ADAMTSL1: variants seen among roughly 807,000 people sequenced by gnomAD.
ADAMTSL1 encodes ADAMTS like 1, also known as ADAMTS-like protein 1.
A neutral mutation model predicts 201.8 loss-of-function variants in ADAMTSL1; 126 were observed. That is an observed-to-expected ratio of 0.62 (90% confidence interval 0.54 to 0.72). The LOEUF (loss-of-function observed/expected upper bound fraction) is 0.72. Among genes scored for constraint, ADAMTSL1 ranks in the 30% least tolerant of loss-of-function variants. The pLI, the probability that ADAMTSL1 is intolerant of heterozygous loss-of-function variation, is 0.00. For missense variants in ADAMTSL1, 2,679 were observed against 2,277.8 expected (o/e 1.18, Z -3.59); for synonymous variants, 1,121 against 903.4 (o/e 1.24, Z -4.32).
chr9:18,691,028 A>G (rs1831181702), intron 13 of ADAMTSL1, among the ~76,000 whole-genome samples: 1 of 152,226 alleles, frequency 6.6e-6, no homozygotes, highest in Non-Finnish European at 1.5e-5. Context: ...TCACAAGAGC[A>G]ATAGGATTGT....
At chr9:18,628,879 G>T (rs1212030238) in intron 5 of ADAMTSL1, among the ~76,000 whole-genome samples, 1 of 152,118 alleles carries the variant, frequency 6.6e-6, no homozygotes, top group South Asian at 2.1e-4. Context: ...TAGAGATGAG[G>T]TTTCACTATG....
intron 26 of ADAMTSL1, among the ~76,000 whole-genome samples, chr9:18,897,216 A>G (rs969074924): frequency 3.9e-5 from 6 of 152,276 alleles, no homozygotes; most frequent in African/African-American, 1.4e-4. Flanking sequence ...CAGATGTCTG[A>G]TCTCTCCCTG....
chr9:18,154,868 G>A (rs1827081460), intron 1 of ADAMTSL1, among the ~76,000 whole-genome samples: 1 of 152,008 alleles, frequency 6.6e-6, no homozygotes, highest in Admixed American at 6.6e-5. Context: ...TTGAGATACT[G>A]AGTAAATATT....
intron 23 of ADAMTSL1, among the ~76,000 whole-genome samples, chr9:18,856,953 C>T (rs554428153): frequency 1.4e-4 from 21 of 152,218 alleles, no homozygotes; most frequent in Non-Finnish European, 2.4e-4. Flanking sequence ...AGAACAACCC[C>T]GTTTTCTGAG....
At chr9:18,329,243 C>G (rs1834941602) in intron 2 of ADAMTSL1, among the ~76,000 whole-genome samples, 1 of 152,160 alleles carries the variant, frequency 6.6e-6, no homozygotes, top group Non-Finnish European at 1.5e-5. Flanking sequence ...GAATCTTAAT[C>G]TTGGGCTTCC....
At chr9:18,138,413 T>C (rs1349166534) in intron 1 of ADAMTSL1, among the ~76,000 whole-genome samples, 1 of 152,054 alleles carries the variant, frequency 6.6e-6, no homozygotes, top group Non-Finnish European at 1.5e-5. Flanking sequence ...GTATGCTACT[T>C]TTAGGGAGTA....
intron 14 of ADAMTSL1, among the ~76,000 whole-genome samples, chr9:18,714,716 G>A (rs1390007302): frequency 6.6e-6 from 1 of 151,832 alleles, no homozygotes; most frequent in Non-Finnish European, 1.5e-5. Flanking sequence ...CCAATCAATA[G>A]AAAAAGAGGG....
chr9:18,075,117 C>G (rs1823157691), intron 1 of ADAMTSL1, among the ~76,000 whole-genome samples: 1 of 151,988 alleles, frequency 6.6e-6, no homozygotes, highest in African/African-American at 2.4e-5. Flanking sequence ...TTCTTTTCAT[C>G]TTTCCTTTAT....
chr9:18,530,386 A>G (rs116966782), intron 2 of ADAMTSL1, among the ~76,000 whole-genome samples: 3,037 of 152,302 alleles, frequency 0.02, 40 homozygotes, highest in Non-Finnish European at 0.031. Context: ...TAAAGTCCCA[A>G]TAGTTAACAC....
In ADAMTSL1 at chr9:18,670,188, T is replaced by C. The variant is rs566958537; in HGVS notation, c.1086-5669T>C. ...ATATAGTCACCTATTTTGTGAAAGG[T>C]TCTGTGCTTGGTGCCATGGCAAAGG... On this transcript the variant is annotated intron_variant, in intron 9 of 28. Coordinates refer to ENST00000380548, the MANE Select transcript of ADAMTSL1 (RefSeq NM_001040272.6). Among the ~76,000 whole-genome samples the C allele has an allele frequency of 2.0e-5, 3 of 152,272 alleles. No homozygotes were observed. The South Asian group carries it at 6.2e-4, about 32-fold the overall frequency.
chr9:18,224,786 T>C (rs930518032), intron 2 of ADAMTSL1, among the ~76,000 whole-genome samples: 18 of 152,254 alleles, frequency 1.2e-4, no homozygotes, highest in African/African-American at 4.3e-4. Context: ...AGTACTCCTA[T>C]TGAATAGTGA....
At chr9:18,672,193 T>C (rs890541620) in intron 9 of ADAMTSL1, among the ~76,000 whole-genome samples, 1 of 151,940 alleles carries the variant, frequency 6.6e-6, no homozygotes, top group African/African-American at 2.4e-5. Context: ...CTTGTTTTTT[T>C]TTTTTTAACA....
At chr9:17,949,203 A>G (rs74336260) in intron 1 of ADAMTSL1, among the ~76,000 whole-genome samples, 1,861 of 152,308 alleles carry the variant, frequency 0.012, 35 homozygotes, top group African/African-American at 0.043. Flanking sequence ...AAGAGGTTAA[A>G]TTTTGAAGAT....
At chr9:18,329,755 A>G (rs1834958693) in intron 2 of ADAMTSL1, among the ~76,000 whole-genome samples, 1 of 152,126 alleles carries the variant, frequency 6.6e-6, no homozygotes, top group African/African-American at 2.4e-5. Flanking sequence ...CATCCATCAA[A>G]GCATTTATTT....
Position 17,938,476 on chromosome 9 carries a change from A to G in ADAMTSL1, c.87+31554A>G, listed in dbSNP as rs2131339220. Among the ~76,000 whole-genome samples the G allele has an allele frequency of 1.3e-5, 2 of 152,268 alleles. 1 individual carries two copies. Among genetic ancestry groups the G allele is most frequent in the African/African-American group, 4.8e-5 (2 of 41,558 alleles). ...ATGCCAAGGGTGCGATGTCATCTCC[A>G]TGACCTTGTGCTTAACTCGTTCTTC... On this transcript the variant is annotated intron_variant, in intron 1 of 29. Coordinates refer to the ADAMTSL1 transcript ENST00000680146.
intron 1 of ADAMTSL1, among the ~76,000 whole-genome samples, chr9:18,012,264 C>T (rs545505518): frequency 6.6e-6 from 1 of 152,016 alleles, no homozygotes; most frequent in African/African-American, 2.4e-5. Flanking sequence ...ATCTGACCAC[C>T]AACTCAGATC....
intron 2 of ADAMTSL1, among the ~76,000 whole-genome samples, chr9:18,312,796 T>C (rs547126404): frequency 6.6e-6 from 1 of 152,336 alleles, no homozygotes; most frequent in South Asian, 2.1e-4. Flanking sequence ...AGATGATTGA[T>C]TGTTTTTAAT....
At chr9:18,181,923 G>T (rs1252953492) in intron 2 of ADAMTSL1, among the ~76,000 whole-genome samples, 1 of 152,148 alleles carries the variant, frequency 6.6e-6, no homozygotes, top group African/African-American at 2.4e-5. Context: ...TTAAGAAAAT[G>T]TGGCACATAT....
chr9:18,851,168 C>G lies in ADAMTSL1; in HGVS notation c.4249+21191C>G, dbSNP rs558604636. Among the ~76,000 whole-genome samples the G allele has an allele frequency of 2.6e-5, 4 of 152,148 alleles. No homozygotes were observed. The South Asian group carries it at 8.3e-4, about 32-fold the overall frequency. ...GAGACAGGTGCCATATGGGAAGTTTCATTCTATGCCAAGCTCTCGATGGGA... is the reference window on the plus strand; with the variant it reads ...GAGACAGGTGCCATATGGGAAGTTTGATTCTATGCCAAGCTCTCGATGGGA... On this transcript the variant is annotated intron_variant, in intron 23 of 28. Coordinates refer to ENST00000380548, the MANE Select transcript of ADAMTSL1 (RefSeq NM_001040272.6).
Sources: gnomAD v4.1 joint callset for allele counts (sites outside exome capture counted in the v4.1 genomes callset) on GRCh38, gnomAD v4.1.1 for gene constraint, MANE v1.5 for transcripts, NCBI Gene and HGNC (gene_info 2026-07-23, HGNC 2026-07-21) for gene names.